AHDC1: variants seen among roughly 807,000 people sequenced by gnomAD.
AHDC1 encodes the protein AT-hook DNA binding motif containing 1.
In AHDC1, 7 loss-of-function variants were observed where a neutral mutation model predicts 87.9. The observed-to-expected ratio is 0.08, with a 90% CI of 0.05 to 0.15. The LOEUF is 0.15. Ranked by LOEUF, AHDC1 falls within the 10% of genes least tolerant of loss-of-function variation. The pLI, the probability that AHDC1 is intolerant of heterozygous loss-of-function variation, is 1.00. For missense variants in AHDC1, 1,841 were observed against 2,253.2 expected, an observed-to-expected ratio of 0.82 and a Z score of 3.70; for synonymous variants, 1,051 against 1,006.8, an observed-to-expected ratio of 1.04 and a Z score of -0.83.
chr1:27,559,021 C>A (rs1325980355), intron 3 of AHDC1, 138 bp from the exon 4 acceptor site: 14 of 397,006 alleles, frequency 3.5e-5, no homozygotes, highest in Non-Finnish European at 6.2e-5. Context: ...ATCGCATTAT[C>A]CCACCTGGGA....
At chr1:27,541,934 G>A (rs533175441) in intron 8 of AHDC1, among the ~76,000 whole-genome samples, 38 of 152,330 alleles carry the variant, frequency 2.5e-4, no homozygotes, top group African/African-American at 7.9e-4. Flanking sequence ...CTGGCAAGGA[G>A]GTTTTAAACA....
chr1:27,534,891 G>C lies in AHDC1; in HGVS notation c.*69C>G, dbSNP rs555675839. The C allele has an allele frequency of 2.0e-5, 3 of 152,192 alleles. No individual in the cohort carries two copies. Among genetic ancestry groups the C allele is most frequent in the African/African-American group, 7.2e-5 (3 of 41,498 alleles). The allele number at this position is 152,192 out of a possible 1,614,324, so 9.4% of individuals were successfully genotyped here. A position where few individuals can be genotyped will look rare whatever the true frequency, so the allele number is the denominator to read the frequency against. ...CAGAGGACGATGTGGACGCTGGGAG[G>C]GATCTTGGCGTTGGTTTTCTGAAAG... On this transcript the variant is annotated 3_prime_UTR_variant, in exon 9 of 9. Transcript: ENST00000673934.
chr1:27,602,992 C>CA (rs915957445), intron 3 of AHDC1, among the ~76,000 whole-genome samples: 1 of 141,098 alleles, frequency 7.1e-6, no homozygotes, highest in African/African-American at 2.6e-5. Context: ...TCATTCCCCC[C>CA]CCCCCCACAT....
chr1:27,548,734 A>G lies in AHDC1; in HGVS notation c.3382T>C (p.Tyr1128His). The G allele has an allele frequency of 6.2e-7, 1 of 1,613,294 alleles. No individual in the cohort carries two copies. The highest frequency in any genetic ancestry group is 8.5e-7 in the Non-Finnish European group (1 of 1,180,040). Residue 1128 changes from tyrosine (Y) to histidine (H), a missense_variant, in exon 8 of 9, where the codon TAC becomes CAC. By Grantham distance (83) the Tyr-to-His change is moderately conservative (BLOSUM62 2). Around this residue, in one of 13 missense-constraint regions of AHDC1, gnomAD observed 378 missense variants for 399.0 expected, o/e 0.95. Coordinates refer to ENST00000673934, the MANE Select transcript of AHDC1 (RefSeq NM_001371928.1). ...ACGTGGCAGTCAAAACTGGGATTGT[A>G]GAGCTGACTAAAGGCCTCTGAGGCC... ...DWASEAFSQLYNPSFDCHVSE... is the reference protein window; with the variant it reads ...DWASEAFSQLHNPSFDCHVSE...
In AHDC1 at chr1:27,548,522, C is replaced by T. The variant is rs772074776; in HGVS notation, c.3594G>A (p.Leu1198=). The T allele has an allele frequency of 6.2e-7, 1 of 1,613,786 alleles. No homozygotes were observed. The highest frequency in any genetic ancestry group is 8.5e-7 in the Non-Finnish European group (1 of 1,180,040). ...CCATCATCAGTTTCTCCAGGCTGGA[C>T]AGGCTCGACTGGCCCTCACTACTTG... The part of the protein sequence containing the change: ...EASSSEGQSS[L]SSLEKLMMDW... The change falls in exon 8 of 9, where the codon CTG becomes CTA. Residue 1198 remains leucine (L), a synonymous_variant. Transcript: ENST00000673934.
chr1:27,538,209 C>T (rs2018733974), intron 8 of AHDC1, among the ~76,000 whole-genome samples: 1 of 151,792 alleles, frequency 6.6e-6, no homozygotes, highest in Non-Finnish European at 1.5e-5. Context: ...CAAGACCAGT[C>T]TGGCCAACAT....
chr1:27,547,341 G>T lies in AHDC1; in HGVS notation c.4775C>A (p.Pro1592His), dbSNP rs749083604. 3.2e-6 allele frequency: 5 copies of T among 1,554,518 alleles called. No homozygotes were observed. The highest frequency in any genetic ancestry group is 4.3e-6 in the Non-Finnish European group (5 of 1,152,914). ...GACGGTGAATGTGTCCTCGGGGTGAGGTTCCGCCATGGGCCCCAGGAAGCC... is the reference window on the plus strand; with the variant it reads ...GACGGTGAATGTGTCCTCGGGGTGATGTTCCGCCATGGGCCCCAGGAAGCC... The part of the protein sequence containing the change: ...KSGFLGPMAE[P>H]HPEDTFTVTS... Residue 1592 changes from proline to histidine, a missense_variant, in exon 8 of 9, where the codon CCT becomes CAT. Pro to His is a moderately conservative substitution (Grantham distance 77). Transcript: ENST00000673934. This position sits in a 1 kb window ranked among gnomAD's most constrained non-coding sequence, Gnocchi z 4.9.
intron 3 of AHDC1, among the ~76,000 whole-genome samples, chr1:27,584,416 C>T (rs2148449047): frequency 6.6e-6 from 1 of 152,370 alleles, no homozygotes; most frequent in African/African-American, 2.4e-5. Context: ...TATTTCCCCT[C>T]AACAGGTGAG....
intron 8 of AHDC1, among the ~76,000 whole-genome samples, chr1:27,544,975 C>CT (rs2019099592): frequency 6.6e-6 from 1 of 152,138 alleles, no homozygotes; most frequent in Non-Finnish European, 1.5e-5. Flanking sequence ...GCTTTACTGC[C>CT]TTCCCATAGG....
At position 27,548,366 on chromosome 1, in the gene AHDC1, C is replaced by T. The variant is rs765793985; in HGVS notation, c.3750G>A (p.Pro1250=). 9 of 1,605,946 alleles carry T rather than the reference C, an allele frequency of 5.6e-6. No homozygotes were observed. The highest frequency in any genetic ancestry group is 3.3e-5 in the South Asian group (3 of 90,870). ...DLFEASHLGF[P]TSASAAASGY... is the part of the protein sequence containing the mutation. ...CTGAGGCAGCGGCAGAGGCGGATGT[C>T]GGGAAGCCCAGATGTGAGGCCTCGA... The change falls in exon 8 of 9, where the codon CCG becomes CCA. Residue 1250 remains proline (P), a synonymous_variant. Coordinates refer to ENST00000673934, the MANE Select transcript of AHDC1 (RefSeq NM_001371928.1).
chr1:27,545,073 A>T (rs1389402656), intron 8 of AHDC1, among the ~76,000 whole-genome samples: 1 of 151,576 alleles, frequency 6.6e-6, no homozygotes, highest in African/African-American at 2.4e-5. Flanking sequence ...CCTCCCCGCC[A>T]GCTGTTCAGC....
chr1:27,573,706 T>C (rs2088617393), intron 3 of AHDC1, among the ~76,000 whole-genome samples: 1 of 152,200 alleles, frequency 6.6e-6, no homozygotes, highest in African/African-American at 2.4e-5. Context: ...TCCCTATACC[T>C]GGCCTTGAAT....
rs1017325807 is a variant in AHDC1 at position 27,560,325 on chromosome 1, T to C, written c.-628-1442A>G. 1.3e-5 allele frequency among the ~76,000 whole-genome samples: 2 copies of C among 151,954 alleles called. No homozygotes were observed. Among genetic ancestry groups the C allele is most frequent in the African/African-American group, 4.8e-5 (2 of 41,332 alleles). ...GTGGCTGGGTGTGAGCATGCCTGGG[T>C]GTGCACACGCTTTGCCTGGCTCTCT... On this transcript the variant is annotated intron_variant, in intron 3 of 8. Transcript: ENST00000673934. The surrounding 1 kb of genome is among the most constrained non-coding windows in gnomAD (Gnocchi z 4.1).
chr1:27,550,082 C>T lies in AHDC1; in HGVS notation c.2034G>A (p.Arg678=), dbSNP rs376940061. 37 of 1,609,024 alleles carry T rather than the reference C, an allele frequency of 2.3e-5. No individual in the cohort carries two copies. Among genetic ancestry groups the T allele is most frequent in the South Asian group, 3.3e-5 (3 of 90,956 alleles). The change falls in exon 8 of 9, where the codon CGG becomes CGA. Residue 678 remains arginine, a synonymous_variant. Coordinates refer to ENST00000673934, the MANE Select transcript of AHDC1 (RefSeq NM_001371928.1). The stretch of plus-strand genomic sequence containing the variant: ...CTGACTTGGCCGCATGGCCCCCACC[C>T]CGGCCACCAAAACCGCCTGCTTTGC... ...RGGKAGGFGG[R]GGGHAAKSAR...
chr1:27,539,445 A>AT (rs1188837005), intron 8 of AHDC1, among the ~76,000 whole-genome samples: 108 of 144,572 alleles, frequency 7.5e-4, no homozygotes, highest in African/African-American at 2.2e-3. Flanking sequence ...GGCCTGGAGA[A>AT]TTTTTTTTTT....
chr1:27,550,814 A>C lies in AHDC1; in HGVS notation c.1302T>G (p.Pro434=). 6.4e-7 allele frequency: 1 copy of C among 1,564,468 alleles called. No individual in the cohort carries two copies. The highest frequency in any genetic ancestry group is 1.2e-5 in the South Asian group (1 of 86,588). ...AALAEPPPPP[P]PPPPALPGPG... is the part of the protein sequence containing the mutation. ...GGCCTGGCAGGGCAGGGGGTGGAGG[A>C]GGCGGTGGTGGTGGGGGTTCGGCCA... Residue 434 remains proline (P), a synonymous_variant, in exon 8 of 9, where the codon CCT becomes CCG. Coordinates refer to ENST00000673934, the MANE Select transcript of AHDC1 (RefSeq NM_001371928.1).
At chr1:27,537,396 C>G (rs1419949573) in intron 8 of AHDC1, among the ~76,000 whole-genome samples, 2 of 152,196 alleles carry the variant, frequency 1.3e-5, no homozygotes, top group Non-Finnish European at 2.9e-5. Flanking sequence ...ACGGAAGGTC[C>G]TGGGGAGGCA....
At chr1:27,594,683 C>CAG (rs145574277) in intron 3 of AHDC1, among the ~76,000 whole-genome samples, 15 of 150,892 alleles carry the variant, frequency 9.9e-5, no homozygotes, top group East Asian at 3.9e-4. Flanking sequence ...GCCTGGGCAG[C>CAG]AGAGAGAGAG....
intron 5 of AHDC1, chr1:27,553,418 A>C (rs1449439986): frequency 6.6e-6 from 1 of 152,270 alleles, no homozygotes; most frequent in Non-Finnish European, 1.5e-5. Flanking sequence ...AGGACTGGAC[A>C]GACAGACACT....
Sources: allele counts gnomAD v4.1 joint callset (sites outside exome capture counted in the v4.1 genomes callset), GRCh38; gene constraint gnomAD v4.1.1; regional missense constraint gnomAD v4.1.1; non-coding constraint Gnocchi (gnomAD v3.1); transcripts MANE v1.5; gene names NCBI Gene and HGNC (gene_info 2026-07-23, HGNC 2026-07-21).